The following QRSL1 variants were observed in gnomAD, a reference collection of about 807,000 sequenced individuals.
The protein encoded by QRSL1 is glutaminyl-tRNA amidotransferase subunit QRSL1.
A neutral mutation model predicts 61.6 loss-of-function variants in QRSL1; 54 were observed. That is an observed-to-expected ratio of 0.88 (90% CI 0.70 to 1.10). The LOEUF (loss-of-function observed/expected upper bound fraction) is 1.10. Ranked by LOEUF, QRSL1 falls within the 50% of genes least tolerant of loss-of-function variation. The pLI, the probability that QRSL1 is intolerant of heterozygous loss-of-function variation, is 0.00. For missense variants in QRSL1, 505 were observed against 622.6 expected, an observed-to-expected ratio of 0.81 and a Z score of 2.01; for synonymous variants, 228 against 225.7, an observed-to-expected ratio of 1.01 and a Z score of -0.09.
chr6:106,662,323 A>G (rs761469096), intron 9 of QRSL1, among the ~76,000 whole-genome samples: 8 of 152,148 alleles, frequency 5.3e-5, no homozygotes, highest in Non-Finnish European at 1.0e-4. Flanking sequence ...AGTTATTAAT[A>G]TTTTGAGATT....
chr6:106,652,695 C>T, intron 7 of QRSL1, 113 bp downstream of exon 7: 1 of 1,560,644 alleles, frequency 6.4e-7, no homozygotes, highest in African/African-American at 1.4e-5. Context: ...TTTTATTAAT[C>T]ATGTGAGTTG....
At chr6:106,629,785 T>C in intron 1 of QRSL1, 80 bp downstream of exon 1, 1 of 1,528,182 alleles carries the variant, frequency 6.5e-7, no homozygotes, top group Non-Finnish European at 8.9e-7. Flanking sequence ...CCCTGGGCCT[T>C]ACCACGCATC....
chr6:106,643,337 A>T (rs1212522291), intron 4 of QRSL1, among the ~76,000 whole-genome samples: 4 of 152,196 alleles, frequency 2.6e-5, no homozygotes, highest in Non-Finnish European at 4.4e-5. Context: ...TTCATCAGTG[A>T]AGTAGCTTTT....
chr6:106,662,918 A>C, intron 9 of QRSL1, 62 bp from the exon 10 acceptor site: 1 of 1,354,018 alleles, frequency 7.4e-7, no homozygotes, highest in South Asian at 1.2e-5. Flanking sequence ...CTAATGTAAG[A>C]TAATTGATTA....
At chr6:106,637,942 A>G (rs1776949299) in intron 1 of QRSL1, among the ~76,000 whole-genome samples, 1 of 152,116 alleles carries the variant, frequency 6.6e-6, no homozygotes, top group Non-Finnish European at 1.5e-5. Context: ...GCAAATCGGC[A>G]CCATTTAAAG....
intron 4 of QRSL1, among the ~76,000 whole-genome samples, chr6:106,644,668 G>A (rs982390790): frequency 6.6e-6 from 1 of 151,886 alleles, no homozygotes; most frequent in Non-Finnish European, 1.5e-5. Flanking sequence ...TTACAGGCAC[G>A]CACCACCGGG....
chr6:106,631,664 A>G lies in QRSL1; in HGVS notation c.24+1959A>G, dbSNP rs558150203. 3.4e-3 allele frequency among the ~76,000 whole-genome samples: 511 copies of G among 148,658 alleles called. 5 individuals carry two copies. The highest frequency in any genetic ancestry group is 0.012 in the African/African-American group (479 of 40,866). On this transcript the variant is annotated intron_variant, in intron 1 of 10. Transcript: ENST00000369046. ...TTTTTGCAGTCTTATGATTGTTTTT[A>G]AAAAAAAATTTTAATGGGTACATAG...
At chr6:106,637,962 T>C (rs1190292933) in intron 1 of QRSL1, among the ~76,000 whole-genome samples, 2 of 152,226 alleles carry the variant, frequency 1.3e-5, no homozygotes, top group Non-Finnish European at 1.5e-5. Context: ...GTGAATATCC[T>C]AGACAATCTT....
chr6:106,655,542 A>G lies in QRSL1; in HGVS notation c.1043-73A>G, dbSNP rs577629360. ...AAAAAAAAAAAAAAAAAGTGAATCTAGGCCTGATTTTAGCCAAAACTTTAC... is the reference window on the plus strand; with the variant it reads ...AAAAAAAAAAAAAAAAAGTGAATCTGGGCCTGATTTTAGCCAAAACTTTAC... On this transcript the variant is annotated intron_variant, in intron 8 of 10. Coordinates refer to ENST00000369046, the MANE Select transcript of QRSL1 (RefSeq NM_018292.5). 2,360 of 817,928 alleles carry G rather than the reference A, an allele frequency of 2.9e-3. 18 individuals are homozygous for G. The highest frequency in any genetic ancestry group is 9.8e-3 in the Middle Eastern group (26 of 2,662). 50.7% of individuals were successfully genotyped at this position (817,928 alleles called of 1,614,324 possible).
chr6:106,652,119 AC>A (rs1195654182), intron 5 of QRSL1, 89 bp from the exon 6 acceptor site: 50 of 1,279,620 alleles, frequency 3.9e-5, no homozygotes, highest in Admixed American at 4.9e-5. Context: ...AGAGGAAAAT[AC>A]AGTTTAAAAA....
At chr6:106,635,743 C>T (rs9373885) in intron 1 of QRSL1, among the ~76,000 whole-genome samples, 29,123 of 151,792 alleles carry the variant, frequency 0.19, 3,213 homozygotes, top group East Asian at 0.29. Flanking sequence ...TGGTGGCACA[C>T]GCCTGTAATC....
chr6:106,648,188 C>G (rs918756156), intron 4 of QRSL1, among the ~76,000 whole-genome samples: 1 of 151,150 alleles, frequency 6.6e-6, no homozygotes, highest in African/African-American at 2.4e-5. Context: ...CCCAGCTACT[C>G]GGGAGGCTGA....
rs746018325 is a variant in QRSL1, at chr6:106,652,531, C to A, written c.798C>A (p.Phe266Leu). The A allele has an allele frequency of 5.0e-6, 8 of 1,614,212 alleles. No homozygotes were observed. The Admixed American group carries it at 1.3e-4, about 27-fold the overall frequency. The part of the protein sequence containing the change: ...TTVHEPINKP[F>L]MLPSLADVSK... ...TACATGAACCTATTAATAAACCATT[C>A]ATGCTTCCCAGTTTGGCAGATGTGA... The change falls in exon 7 of 11, where the codon TTC (phenylalanine) becomes TTA (leucine). Residue 266 changes from phenylalanine (F) to leucine (L), a missense_variant. Phe to Leu is a conservative substitution (Grantham distance 22). Coordinates refer to ENST00000369046, the MANE Select transcript of QRSL1 (RefSeq NM_018292.5).
chr6:106,631,258 A>G (rs189893983), intron 1 of QRSL1, among the ~76,000 whole-genome samples: 2 of 152,252 alleles, frequency 1.3e-5, no homozygotes, highest in South Asian at 2.1e-4. Flanking sequence ...AAATAAATAA[A>G]CAGACAACAC....
intron 9 of QRSL1, among the ~76,000 whole-genome samples, chr6:106,660,843 A>G (rs943185034): frequency 1.3e-5 from 2 of 152,122 alleles, no homozygotes; most frequent in Non-Finnish European, 2.9e-5. Context: ...GGGAAAGCAC[A>G]TGGGGGGCTG....
chr6:106,654,784 G>T lies in QRSL1; in HGVS notation c.904G>T (p.Ala302Ser). 6 of 1,613,496 alleles carry T rather than the reference G, an allele frequency of 3.7e-6. No individual in the cohort carries two copies. The highest frequency in any genetic ancestry group is 5.1e-6 in the Non-Finnish European group (6 of 1,179,802). Residue 302 changes from alanine (A) to serine (S), a missense_variant, in exon 8 of 11, where the codon GCT (alanine) becomes TCT (serine). Transcript: ENST00000369046. ...AGTACAGTCTCTTTGGTCCAAAGCT[G>T]CTGACCTCTTTGAGTCTGAGGGGGC... The part of the protein sequence containing the change: ...SEVQSLWSKA[A>S]DLFESEGAKV...
chr6:106,645,825 T>A (rs1777099261), intron 4 of QRSL1, among the ~76,000 whole-genome samples: 1 of 152,246 alleles, frequency 6.6e-6, no homozygotes, highest in Non-Finnish European at 1.5e-5. Context: ...TTTTATCCCA[T>A]GACCTTGTTA....
intron 9 of QRSL1, among the ~76,000 whole-genome samples, chr6:106,660,331 C>CG (rs571004209): frequency 8.4e-6 from 1 of 118,706 alleles, no homozygotes; most frequent in African/African-American, 2.9e-5. Context: ...ACACTCCCCA[C>CG]CCCCCCCGTG....
Position 106,655,606 on chromosome 6 carries a change from T to G in QRSL1, c.1043-9T>G. ...TTTCAAGTAATGTTTACCCTTTTCTTGTTTTCAGGTCACAGATGTGACATT... is the reference window on the plus strand; with the variant it reads ...TTTCAAGTAATGTTTACCCTTTTCTGGTTTTCAGGTCACAGATGTGACATT... On this transcript the variant is annotated splice_polypyrimidine_tract_variant and intron_variant, in intron 8 of 10. Coordinates refer to ENST00000369046, the MANE Select transcript of QRSL1 (RefSeq NM_018292.5). 2 of 1,584,344 alleles carry G rather than the reference T, an allele frequency of 1.3e-6. No homozygotes were observed. Among genetic ancestry groups the G allele is most frequent in the Non-Finnish European group, 1.7e-6 (2 of 1,154,542 alleles).
Sources: gnomAD v4.1 joint callset for allele counts (sites outside exome capture counted in the v4.1 genomes callset) on GRCh38, gnomAD v4.1.1 for gene constraint, MANE v1.5 for transcripts, NCBI Gene and HGNC (gene_info 2026-07-23, HGNC 2026-07-21) for gene names.